POC1A: variants seen among roughly 807,000 people sequenced by gnomAD.
The protein encoded by POC1A is POC1 centriolar protein A, also known as POC1 centriolar protein homolog A.
In POC1A, 34 loss-of-function variants were observed where a neutral mutation model predicts 47.8. That is an observed-to-expected ratio of 0.71 (90% CI 0.54 to 0.95). The LOEUF is 0.95. Ranked by LOEUF, POC1A falls within the 40% of genes least tolerant of loss-of-function variation. POC1A has a pLI of 0.00. For synonymous variants in POC1A, 177 were observed against 207.6 expected (o/e 0.85, Z 1.27); for missense variants, 466 against 528.3 (o/e 0.88, Z 1.16).
intron 8 of POC1A, among the ~76,000 whole-genome samples, chr3:52,123,072 T>C (rs1313532628): frequency 6.6e-6 from 1 of 152,226 alleles, no homozygotes; most frequent in Admixed American, 6.5e-5. Flanking sequence ...AGTTCCTGCA[T>C]CTGCGAGACT....
At chr3:52,081,719 G>T (rs1157972393) in intron 10 of POC1A, among the ~76,000 whole-genome samples, 4 of 152,100 alleles carry the variant, frequency 2.6e-5, no homozygotes, top group African/African-American at 7.2e-5. Flanking sequence ...GGAGGGTGCT[G>T]GGGGGTGCTA....
intron 10 of POC1A, among the ~76,000 whole-genome samples, chr3:52,083,240 C>G (rs1290130686): frequency 6.6e-6 from 1 of 152,158 alleles, no homozygotes; most frequent in Non-Finnish European, 1.5e-5. Context: ...TGCAGAGGTA[C>G]AGGAAGAGTT....
intron 9 of POC1A, among the ~76,000 whole-genome samples, chr3:52,099,743 C>T (rs571722963): frequency 2.6e-4 from 40 of 152,156 alleles, no homozygotes; most frequent in Admixed American, 9.2e-4. Flanking sequence ...CCCAGCTACT[C>T]GGGAGGCTGA....
rs1187805981 is a variant in POC1A, at chr3:52,090,482, G to A, written c.1125+6087C>T. Among the ~76,000 whole-genome samples the A allele has an allele frequency of 6.6e-6, 1 of 152,184 alleles. No homozygotes were observed. The highest frequency in any genetic ancestry group is 1.5e-5 in the Non-Finnish European group (1 of 68,034). On this transcript the variant is annotated intron_variant, in intron 10 of 10. Coordinates refer to ENST00000296484, the MANE Select transcript of POC1A (RefSeq NM_015426.5). The surrounding 1 kb of genome is among the most constrained non-coding windows in gnomAD (Gnocchi z 4.2). ...ACCCCCTTGCCCTAAGGAAGGCCCA[G>A]GGCCTCTGCAACTTCCAGACACCAC...
chr3:52,136,864 G>T (rs7652969), intron 7 of POC1A, among the ~76,000 whole-genome samples: 2,506 of 152,332 alleles, frequency 0.016, 61 homozygotes, highest in African/African-American at 0.053. Flanking sequence ...TGAGTTAGCT[G>T]TTTAAAGAAC....
intron 7 of POC1A, among the ~76,000 whole-genome samples, chr3:52,137,530 T>C (rs529146247): frequency 1.1e-4 from 16 of 152,104 alleles, no homozygotes; most frequent in African/African-American, 3.6e-4. Flanking sequence ...TACTTCCTAG[T>C]GGAAGTACTA....
chr3:52,149,430 G>A (rs1244193295), intron 3 of POC1A, 41 bp from the exon 4 acceptor site: 8 of 1,586,940 alleles, frequency 5.0e-6, no homozygotes, highest in South Asian at 2.2e-5. Flanking sequence ...ACCCATAACA[G>A]TGACATGAGA....
rs1702094631 is a variant in POC1A at position 52,075,671 on chromosome 3, G to T, written c.*216C>A. ...CTCATTCGGGTCTGAAGCATCATTT[G>T]TGTGTGAGCCCGGCCCACTGGGGAC... On this transcript the variant is annotated 3_prime_UTR_variant, in exon 11 of 11. Coordinates refer to ENST00000296484, the MANE Select transcript of POC1A (RefSeq NM_015426.5). 5 of 477,966 alleles carry T rather than the reference G, an allele frequency of 1.0e-5. 1 individual carries two copies. In the Admixed American group the frequency reaches 1.3e-4, roughly 12 times the overall value. The allele number at this position is 477,966 out of a possible 1,614,324, so 29.6% of individuals were successfully genotyped here.
rs1389304445 is a variant in POC1A, at chr3:52,122,482, C to T, written c.883-5G>A. ...GTTACTCTTCCAAACCATCACCTGCCAAAACCAACAGGCACACCAAGTCAG... is the reference window on the plus strand; with the variant it reads ...GTTACTCTTCCAAACCATCACCTGCTAAAACCAACAGGCACACCAAGTCAG... On this transcript the variant is annotated splice_region_variant and splice_polypyrimidine_tract_variant and intron_variant, in intron 8 of 10. Transcript: ENST00000296484. 6.4e-7 allele frequency: 1 copy of T among 1,564,986 alleles called. No homozygotes were observed. The highest frequency in any genetic ancestry group is 1.7e-5 in the Admixed American group (1 of 59,988).
At chr3:52,152,262 A>C in intron 1 of POC1A, among the ~76,000 whole-genome samples, 1 of 151,424 alleles carries the variant, frequency 6.6e-6, no homozygotes, top group African/African-American at 2.4e-5. Context: ...GCAACAGAGC[A>C]AGACCCTGAC....
chr3:52,085,561 G>A (rs571624194), intron 10 of POC1A, among the ~76,000 whole-genome samples: 6 of 152,288 alleles, frequency 3.9e-5, no homozygotes, highest in East Asian at 1.9e-4. Flanking sequence ...CCTACCCTAG[G>A]AGCCTCCTTG....
At chr3:52,094,586 A>G (rs1702747382) in intron 10 of POC1A, among the ~76,000 whole-genome samples, 1 of 152,274 alleles carries the variant, frequency 6.6e-6, no homozygotes, top group South Asian at 2.1e-4. Context: ...CAAAGGTGCT[A>G]TGCACAGTTC....
At position 52,111,230 on chromosome 3, in the gene POC1A, T is replaced by C. The variant is rs200760343; in HGVS notation, c.981+11149A>G. Among the ~76,000 whole-genome samples the C allele has an allele frequency of 6.6e-5, 10 of 152,336 alleles. No homozygotes were observed. In the East Asian group the frequency reaches 1.7e-3, roughly 26 times the overall value. ...ATTTTTCTAGTGACAGGAAACACCATTAGCCCCTCAAGGGGGCAGTTCAGA... is the reference window on the plus strand; with the variant it reads ...ATTTTTCTAGTGACAGGAAACACCACTAGCCCCTCAAGGGGGCAGTTCAGA... On this transcript the variant is annotated intron_variant, in intron 9 of 10. Coordinates refer to ENST00000296484, the MANE Select transcript of POC1A (RefSeq NM_015426.5).
chr3:52,132,843 G>A (rs1384797983), intron 7 of POC1A, among the ~76,000 whole-genome samples: 2 of 152,198 alleles, frequency 1.3e-5, no homozygotes, highest in Non-Finnish European at 2.9e-5. Flanking sequence ...TCAGGAGTTC[G>A]AGACCAGCCT....
rs1472646910 is a variant in POC1A at position 52,125,191 on chromosome 3, C to A, written c.814-10G>T. On this transcript the variant is annotated splice_polypyrimidine_tract_variant and intron_variant, in intron 7 of 10. Transcript: ENST00000296484. The stretch of plus-strand genomic sequence containing the variant: ...CAGTGGTGGCTGGTCCCTGGCAGAA[C>A]AAACAAAAAATAACACACATCAAAG... The A allele has an allele frequency of 6.2e-7, 1 of 1,609,534 alleles. No individual in the cohort carries two copies. The highest frequency in any genetic ancestry group is 8.5e-7 in the Non-Finnish European group (1 of 1,177,490).
intron 8 of POC1A, among the ~76,000 whole-genome samples, chr3:52,123,179 C>T (rs1032748845): frequency 1.3e-5 from 2 of 152,254 alleles, no homozygotes; most frequent in African/African-American, 4.8e-5. Context: ...GCAACACACT[C>T]GTCATCCCAA....
intron 1 of POC1A, among the ~76,000 whole-genome samples, chr3:52,151,928 G>A (rs1039713354): frequency 6.0e-5 from 9 of 150,614 alleles, no homozygotes; most frequent in African/African-American, 2.0e-4. Flanking sequence ...ACAAACAAAC[G>A]AACAAACAAA....
Position 52,138,204 on chromosome 3 carries a change from C to G in POC1A, c.778G>C (p.Glu260Gln). The G allele has an allele frequency of 6.2e-7, 1 of 1,614,200 alleles. No homozygotes were observed. The highest frequency in any genetic ancestry group is 8.5e-7 in the Non-Finnish European group (1 of 1,180,010). ...TGGAGTGTGTAGAGCAGCCGGCCCT[C>G]CATCAGGTCCAGGATCTTCAGGGTT... ...DSTLKILDLM[E>Q]GRLLYTLHGH... Residue 260 changes from glutamate (E) to glutamine (Q), a missense_variant, in exon 7 of 11, where the codon GAG becomes CAG. Coordinates refer to ENST00000296484, the MANE Select transcript of POC1A (RefSeq NM_015426.5).
In POC1A at chr3:52,084,136, C is replaced by T. The variant is rs1250441106; in HGVS notation, c.1126-8151G>A. Among the ~76,000 whole-genome samples, 1 of 152,196 alleles carries T rather than the reference C, an allele frequency of 6.6e-6. No individual in the cohort carries two copies. Among genetic ancestry groups the T allele is most frequent in the Admixed American group, 6.5e-5 (1 of 15,292 alleles). On this transcript the variant is annotated intron_variant, in intron 10 of 10. Coordinates refer to ENST00000296484, the MANE Select transcript of POC1A (RefSeq NM_015426.5). The surrounding 1 kb of genome is among the most constrained non-coding windows in gnomAD (Gnocchi z 4.3). ...TCCAGAATAAACTCTGGGAGAAGAG[C>T]CTCGACCTAGGAACTGACCACAGCC...
Sources: gnomAD v4.1 joint callset for allele counts (sites outside exome capture counted in the v4.1 genomes callset) on GRCh38, gnomAD v4.1.1 for gene constraint, Gnocchi (gnomAD v3.1) non-coding constraint, MANE v1.5 for transcripts, NCBI Gene and HGNC (gene_info 2026-07-23, HGNC 2026-07-21) for gene names.